Variants in SYF2 observed in about 807,000 individuals in gnomAD.
SYF2 encodes the protein SYF2 pre-mRNA splicing factor.
SYF2 carries 21 observed loss-of-function variants against 32.7 expected under a neutral mutation model. The observed-to-expected ratio is 0.64, with a 90% CI of 0.45 to 0.92. SYF2 has a LOEUF of 0.92. Among genes scored for constraint, SYF2 ranks in the 40% least tolerant of loss-of-function variants. The probability of loss-of-function intolerance (pLI) is 0.00; values close to 1 mark genes in which losing one functional copy is unlikely to be tolerated. For synonymous variants in SYF2, 114 were observed against 103.9 expected (o/e 1.10, Z -0.59); for missense variants, 278 against 296.5 (o/e 0.94, Z 0.46).
intron 5 of SYF2, among the ~76,000 whole-genome samples, chr1:25,225,307 C>T (rs918214905): frequency 6.6e-6 from 1 of 151,790 alleles, no homozygotes; most frequent in African/African-American, 2.4e-5. Context: ...GCAGGCGGAT[C>T]GTTTGAGGTC....
chr1:25,227,968 CCTAAGAGACATATT>C, intron 4 of SYF2, 136 bp downstream of exon 4: 1 of 634,598 alleles, frequency 1.6e-6, no homozygotes, highest in Admixed American at 2.7e-5. Context: ...TAACTTCTCT[CCTAAGAGACATATT>C]TGTACTTTTC....
intron 4 of SYF2, 79 bp downstream of exon 4, chr1:25,228,039 C>T (rs1452356764): frequency 2.5e-6 from 3 of 1,185,496 alleles, no homozygotes; most frequent in South Asian, 1.3e-5. Context: ...ACAAGAGGCA[C>T]ATCCTTTCTT....
chr1:25,230,000 G>T (rs1294819598), intron 2 of SYF2, among the ~76,000 whole-genome samples: 1 of 152,030 alleles, frequency 6.6e-6, no homozygotes, highest in African/African-American at 2.4e-5. Flanking sequence ...TGTATTTTTG[G>T]TAGAAACGTG....
At chr1:25,228,667 T>C (rs1179863591) in intron 3 of SYF2, among the ~76,000 whole-genome samples, 2 of 152,360 alleles carry the variant, frequency 1.3e-5, no homozygotes, top group Non-Finnish European at 2.9e-5. Flanking sequence ...AATTTGGGAA[T>C]ATACTATGGT....
At chr1:25,227,188 C>T (rs1451050287) in intron 5 of SYF2, among the ~76,000 whole-genome samples, 6 of 152,122 alleles carry the variant, frequency 3.9e-5, no homozygotes, top group Admixed American at 3.9e-4. Flanking sequence ...GAGGCTGAGG[C>T]AGAAGAATTG....
Position 25,229,019 on chromosome 1 carries a change from T to C in SYF2, c.237A>G (p.Leu79=). 1 of 1,613,620 alleles carries C rather than the reference T, an allele frequency of 6.2e-7. No homozygotes were observed. Among genetic ancestry groups the C allele is most frequent in the Non-Finnish European group, 8.5e-7 (1 of 1,179,920 alleles). The change falls in exon 3 of 7, where the codon CTA becomes CTG. Residue 79 remains leucine, a synonymous_variant. Transcript: ENST00000236273. ...TAACCTTTTTCTTTTCCTCTTCCTT[T>C]AGTTCCCACTCCAAACGAGCTTTTT... The part of the protein sequence containing the change: ...EAKKARLEWE[L]KEEEKKKECA...
chr1:25,227,393 A>C, intron 5 of SYF2, 49 bp downstream of exon 5: 1 of 1,450,448 alleles, frequency 6.9e-7, no homozygotes, highest in Non-Finnish European at 9.7e-7. Context: ...GTATACACAC[A>C]CACACACACA....
chr1:25,226,549 C>G (rs1172470552), intron 5 of SYF2, among the ~76,000 whole-genome samples: 3 of 152,216 alleles, frequency 2.0e-5, no homozygotes, highest in Non-Finnish European at 4.4e-5. Context: ...AGCATTCTGC[C>G]TCCTAAAATA....
intron 6 of SYF2, among the ~76,000 whole-genome samples, 190 bp from the exon 7 acceptor site, chr1:25,223,621 A>T (rs2124508755): frequency 6.6e-6 from 1 of 152,346 alleles, no homozygotes; most frequent in South Asian, 2.1e-4. Context: ...TGAACTGTGA[A>T]ATCCAGTAAA....
At chr1:25,232,308 G>A in intron 1 of SYF2, 97 bp from the exon 2 acceptor site, 2 of 1,582,582 alleles carry the variant, frequency 1.3e-6, no homozygotes, top group Non-Finnish European at 1.7e-6. Flanking sequence ...CTGGGCCTAG[G>A]GCCTCCACCG....
At chr1:25,224,743 A>T (rs113547111) in intron 6 of SYF2, among the ~76,000 whole-genome samples, 1 of 151,964 alleles carries the variant, frequency 6.6e-6, no homozygotes, top group Non-Finnish European at 1.5e-5. Context: ...AAGAAGGATC[A>T]TTTTTTTTAG....
chr1:25,228,910 A>G, intron 3 of SYF2, 88 bp downstream of exon 3: 1 of 1,488,312 alleles, frequency 6.7e-7, no homozygotes, highest in Non-Finnish European at 9.0e-7. Context: ...TTGGCCTAAG[A>G]GCCAGTGTAT....
chr1:25,225,940 G>A (rs1216133994), intron 5 of SYF2, among the ~76,000 whole-genome samples: 1 of 148,640 alleles, frequency 6.7e-6, no homozygotes, highest in South Asian at 2.1e-4. Flanking sequence ...CACATCACCT[G>A]AGGTCAGGAG....
rs532380406 is a variant in SYF2 at position 25,222,728 on chromosome 1, A to G, written c.*538T>C. The G allele has an allele frequency of 2.0e-5, 3 of 152,610 alleles. No homozygotes were observed. Among genetic ancestry groups the G allele is most frequent in the African/African-American group, 7.2e-5 (3 of 41,592 alleles). The allele number at this position is 152,610 out of a possible 1,614,324, so 9.5% of individuals were successfully genotyped here. A position where few individuals can be genotyped will look rare whatever the true frequency, so the allele number is the denominator to read the frequency against. On this transcript the variant is annotated 3_prime_UTR_variant, in exon 7 of 7. Transcript: ENST00000236273. Reference sequence around the variant, plus strand: ...TATTGCTTTTTAAAAAGGGAACTGTACATGATCAGATCATGGAAGGATAGC... The same window carrying G: ...TATTGCTTTTTAAAAAGGGAACTGTGCATGATCAGATCATGGAAGGATAGC...
chr1:25,232,272 G>A (rs1185096744), intron 1 of SYF2, 61 bp from the exon 2 acceptor site: 1 of 1,566,520 alleles, frequency 6.4e-7, no homozygotes, highest in Non-Finnish European at 8.7e-7. Context: ...GACTGCCCAG[G>A]CCGAGTCCCC....
intron 5 of SYF2, among the ~76,000 whole-genome samples, chr1:25,226,044 GC>G (rs1203568233): frequency 6.6e-6 from 1 of 151,122 alleles, no homozygotes; most frequent in Non-Finnish European, 1.5e-5. Flanking sequence ...TGTAGTCCCA[GC>G]TACTTGGCAG....
chr1:25,227,050 A>C (rs905914839), intron 5 of SYF2, among the ~76,000 whole-genome samples: 1 of 151,944 alleles, frequency 6.6e-6, no homozygotes, highest in African/African-American at 2.4e-5. Flanking sequence ...TGGGAGGCTG[A>C]GGTGGACGGA....
At chr1:25,228,795 T>A (rs1244664541) in intron 3 of SYF2, among the ~76,000 whole-genome samples, 2 of 152,218 alleles carry the variant, frequency 1.3e-5, no homozygotes, top group African/African-American at 4.8e-5. Flanking sequence ...ATTGTTACAG[T>A]CCCTGTTTTA....
Position 25,225,014 on chromosome 1 carries a change from T to C in SYF2, c.554A>G (p.Asp185Gly), listed in dbSNP as rs150734016. 290 of 1,613,044 alleles carry C rather than the reference T, an allele frequency of 1.8e-4. 1 individual carries two copies. In the African/African-American group the frequency reaches 2.2e-3, roughly 12 times the overall value. The change falls in exon 6 of 7, where the codon GAT (aspartate) becomes GGT (glycine). Residue 185 changes from aspartate (D) to glycine (G), a missense_variant. Asp to Gly is a moderately conservative substitution (Grantham distance 94, BLOSUM62 -1). Transcript: ENST00000236273. The stretch of plus-strand genomic sequence containing the variant: ...ACTGAATACTTACTGTTTTTCCAGA[T>C]CTATGACCATCCTGTCAATTTCCTC... ...STEEIDRMVIDLEKQIEKRDK... is the reference protein window; with the variant it reads ...STEEIDRMVIGLEKQIEKRDK...
Sources: allele counts gnomAD v4.1 joint callset (sites outside exome capture counted in the v4.1 genomes callset), GRCh38; gene constraint gnomAD v4.1.1; transcripts MANE v1.5; gene names NCBI Gene and HGNC (gene_info 2026-07-23, HGNC 2026-07-21).